Variants in DPYS observed in about 807,000 individuals in gnomAD.
DPYS encodes dihydropyrimidine amidohydrolase.
In DPYS, 39 loss-of-function variants were observed where a neutral mutation model predicts 50.3. The ratio of observed to expected loss-of-function variants is 0.78; its 90% CI spans 0.60 to 1.01. The LOEUF (loss-of-function observed/expected upper bound fraction) is 1.01. DPYS is among the 50% of genes least tolerant of loss of function. The pLI, the probability that DPYS is intolerant of heterozygous loss-of-function variation, is 0.00. For synonymous variants in DPYS, 245 were observed against 250.7 expected (o/e 0.98, Z 0.22); for missense variants, 659 against 680.9 (o/e 0.97, Z 0.36).
intron 7 of DPYS, among the ~76,000 whole-genome samples, chr8:104,402,817 T>C (rs1449568508): frequency 6.6e-6 from 1 of 152,168 alleles, no homozygotes; most frequent in Non-Finnish European, 1.5e-5. Context: ...TCCCTAAGCC[T>C]AGCTGGGAAG....
intron 6 of DPYS, among the ~76,000 whole-genome samples, chr8:104,426,643 G>C (rs918879787): frequency 2.6e-5 from 4 of 152,142 alleles, no homozygotes; most frequent in African/African-American, 4.8e-5. Flanking sequence ...ATTTGAGGGA[G>C]GCATCCTAGG....
chr8:104,445,968 C>T (rs959402200), intron 3 of DPYS, among the ~76,000 whole-genome samples: 1 of 152,108 alleles, frequency 6.6e-6, no homozygotes, highest in Admixed American at 6.5e-5. Flanking sequence ...TGGTGTGAAC[C>T]CGGGAGGTGG....
Position 104,381,270 on chromosome 8 carries a change from T to C in DPYS, c.1488A>G (p.Glu496=), listed in dbSNP as rs1304729213. The C allele has an allele frequency of 6.2e-7, 1 of 1,614,076 alleles. No individual in the cohort carries two copies. The highest frequency in any genetic ancestry group is 1.7e-5 in the Admixed American group (1 of 60,006). Residue 496 remains glutamate (E), a synonymous_variant, in exon 9 of 10, where the codon GAA becomes GAG. Transcript: ENST00000351513. ...TPVERAPYKG[E]VATLKSRVTK... is the part of the protein sequence containing the mutation. ...TCACTCTGGATTTCAGTGTGGCGAC[T>C]TCTCCCTTATAGGGTGCACGCTCCA... is the stretch of plus-strand genomic sequence containing the variant.
In DPYS at chr8:104,444,380, G is replaced by A. The variant is rs957809439; in HGVS notation, c.661C>T (p.Arg221Cys). Residue 221 changes from arginine (R) to cysteine (C), a missense_variant, in exon 4 of 10, where the codon CGC (arginine) becomes TGC (cysteine). By Grantham distance (180) the Arg-to-Cys change is radical (BLOSUM62 -3). Transcript: ENST00000351513. ...ITGPEGHELC[R>C]PEAVEAEATL... is the part of the protein sequence containing the mutation. ...GCCTCTGCCTCCACTGCCTCTGGGC[G>A]GCACAGCTCGTGGCCCTCAGGGCCT... 4.3e-6 allele frequency: 7 copies of A among 1,614,104 alleles called. No homozygotes were observed. The highest frequency in any genetic ancestry group is 1.1e-5 in the South Asian group (1 of 91,086).
intron 4 of DPYS, among the ~76,000 whole-genome samples, chr8:104,441,694 C>T (rs1813362851): frequency 6.6e-6 from 1 of 152,190 alleles, no homozygotes; most frequent in Non-Finnish European, 1.5e-5. Flanking sequence ...TGACTGTGGC[C>T]TGGTGAGACC....
intron 7 of DPYS, among the ~76,000 whole-genome samples, chr8:104,414,172 G>T (rs910376620): frequency 3.9e-5 from 6 of 152,170 alleles, no homozygotes; most frequent in Non-Finnish European, 8.8e-5. Context: ...ATCCCAGAAA[G>T]AAAAGGACTG....
chr8:104,456,091 A>T (rs961005584), intron 1 of DPYS, among the ~76,000 whole-genome samples: 1 of 151,974 alleles, frequency 6.6e-6, no homozygotes, highest in African/African-American at 2.4e-5. Flanking sequence ...TATTATTGTC[A>T]TTGCCTATGG....
chr8:104,387,664 A>G (rs181209392), intron 8 of DPYS, among the ~76,000 whole-genome samples: 1 of 152,360 alleles, frequency 6.6e-6, no homozygotes, highest in Admixed American at 6.5e-5. Context: ...TTCTTAATAT[A>G]TGAAATAGGA....
In DPYS at chr8:104,460,096, C is replaced by T. The variant is rs190098064; in HGVS notation, c.264+6561G>A. 2.8e-4 allele frequency among the ~76,000 whole-genome samples: 43 copies of T among 152,184 alleles called. No homozygotes were observed. In the East Asian group the frequency reaches 7.1e-3, roughly 25 times the overall value. On this transcript the variant is annotated intron_variant, in intron 1 of 9. Coordinates refer to ENST00000351513, the MANE Select transcript of DPYS (RefSeq NM_001385.3). ...ATCTCTCTTTTGTCAGTTTAATTTGCAGGCCCCCAATTACTAAACATAAGA... is the reference window on the plus strand; with the variant it reads ...ATCTCTCTTTTGTCAGTTTAATTTGTAGGCCCCCAATTACTAAACATAAGA...
At chr8:104,394,032 C>T (rs1811494426) in intron 7 of DPYS, among the ~76,000 whole-genome samples, 1 of 152,218 alleles carries the variant, frequency 6.6e-6, no homozygotes, top group Admixed American at 6.5e-5. Context: ...GCTTTGCTCC[C>T]ACTTATGAGT....
chr8:104,412,942 T>C (rs1484469993), intron 7 of DPYS, among the ~76,000 whole-genome samples: 2 of 152,146 alleles, frequency 1.3e-5, no homozygotes, highest in African/African-American at 4.8e-5. Flanking sequence ...TGGAACAAGA[T>C]AAAAGCATAA....
intron 8 of DPYS, among the ~76,000 whole-genome samples, chr8:104,389,890 A>C (rs911272350): frequency 1.3e-5 from 2 of 152,236 alleles, no homozygotes; most frequent in Admixed American, 6.5e-5. Context: ...AAAATAATTC[A>C]CAGAATTGAT....
chr8:104,395,980 G>T (rs1214744754), intron 7 of DPYS, among the ~76,000 whole-genome samples: 1 of 152,094 alleles, frequency 6.6e-6, no homozygotes, highest in Non-Finnish European at 1.5e-5. Context: ...GGATGGAGGG[G>T]TATTAATCAA....
intron 7 of DPYS, among the ~76,000 whole-genome samples, chr8:104,416,248 A>G (rs1313595702): frequency 6.6e-6 from 1 of 152,162 alleles, no homozygotes; most frequent in Non-Finnish European, 1.5e-5. Context: ...TTTGTTCCTC[A>G]AGGTGCTTTG....
intron 6 of DPYS, among the ~76,000 whole-genome samples, chr8:104,426,576 G>A (rs192026291): frequency 1.3e-5 from 2 of 152,344 alleles, no homozygotes; most frequent in Non-Finnish European, 2.9e-5. Flanking sequence ...TAGGTGGTAT[G>A]TGTAGGGTAA....
chr8:104,445,356 G>A (rs1299434759), intron 3 of DPYS, among the ~76,000 whole-genome samples: 2 of 152,084 alleles, frequency 1.3e-5, no homozygotes, highest in Admixed American at 1.3e-4. Flanking sequence ...GCCAAGATCT[G>A]GAAGCAACCT....
At chr8:104,446,188 T>C (rs76181748) in intron 3 of DPYS, among the ~76,000 whole-genome samples, 18,427 of 152,230 alleles carry the variant, frequency 0.12, 1,265 homozygotes, top group Non-Finnish European at 0.15. Flanking sequence ...TTCTTATGCA[T>C]TGCAAGCTTG....
At chr8:104,430,022 T>C (rs1812898332) in intron 4 of DPYS, among the ~76,000 whole-genome samples, 1 of 152,214 alleles carries the variant, frequency 6.6e-6, no homozygotes, top group Non-Finnish European at 1.5e-5. Flanking sequence ...ATAAATGCTA[T>C]TGTTATCTCC....
chr8:104,462,747 G>A (rs1814215063), intron 1 of DPYS, among the ~76,000 whole-genome samples: 1 of 152,070 alleles, frequency 6.6e-6, no homozygotes, highest in Non-Finnish European at 1.5e-5. Flanking sequence ...GCAAAGTCAC[G>A]ATTCTTTCAA....
Sources: gnomAD v4.1 joint callset for allele counts (sites outside exome capture counted in the v4.1 genomes callset) on GRCh38, gnomAD v4.1.1 for gene constraint, MANE v1.5 for transcripts, NCBI Gene and HGNC (gene_info 2026-07-23, HGNC 2026-07-21) for gene names.